PPARGC1A: variants seen among roughly 807,000 people sequenced by gnomAD.
PPARGC1A encodes PPARG coactivator 1 alpha, also known as peroxisome proliferator-activated receptor gamma coactivator 1-alpha.
A neutral mutation model predicts 88.7 loss-of-function variants in PPARGC1A; 25 were observed. The ratio of observed to expected loss-of-function variants is 0.28; its 90% CI spans 0.21 to 0.39. The LOEUF (loss-of-function observed/expected upper bound fraction) is 0.39. Among genes scored for constraint, PPARGC1A ranks in the 10% least tolerant of loss-of-function variants. PPARGC1A has a pLI of 1.00. For synonymous variants in PPARGC1A, 363 were observed against 355.6 expected, an observed-to-expected ratio of 1.02 and a Z score of -0.24; for missense variants, 880 against 968.7, an observed-to-expected ratio of 0.91 and a Z score of 1.22.
the PPARGC1A span, among the ~76,000 whole-genome samples, chr4:24,141,266 G>A: frequency 1.6e-4 from 25 of 152,234 alleles, no homozygotes; most frequent in African/African-American, 2.9e-4. Flanking sequence ...TTGGCCAAGC[G>A]GCCTCAGGTT....
chr4:23,875,731 A>T (rs940848163), intron 2 of PPARGC1A: 1 of 152,214 alleles, frequency 6.6e-6, no homozygotes, highest in Non-Finnish European at 1.5e-5. Flanking sequence ...TTAGAATAAT[A>T]TAAGTATTCT....
chr4:24,029,996 C>T, the PPARGC1A span, among the ~76,000 whole-genome samples: 30 of 152,196 alleles, frequency 2.0e-4, no homozygotes, highest in African/African-American at 6.0e-4. Flanking sequence ...AGAGACTTCC[C>T]GTGCAACAAT....
chr4:23,807,081 A>G (rs1160384752), intron 10 of PPARGC1A, among the ~76,000 whole-genome samples: 1 of 152,190 alleles, frequency 6.6e-6, no homozygotes, highest in African/African-American at 2.4e-5. Flanking sequence ...CAACTTTGGC[A>G]GTGAAATACT....
chr4:23,902,767 C>G (rs542084064), upstream of PPARGC1A, among the ~76,000 whole-genome samples: 1 of 152,074 alleles, frequency 6.6e-6, no homozygotes, highest in Non-Finnish European at 1.5e-5. Flanking sequence ...AAAATGCACC[C>G]GCCTCTCTCT....
intron 2 of PPARGC1A, among the ~76,000 whole-genome samples, chr4:23,872,365 T>C (rs1026220005): frequency 2.6e-5 from 4 of 152,168 alleles, no homozygotes; most frequent in African/African-American, 9.7e-5. Context: ...CAAACTGTTA[T>C]TTTAATATAC....
At chr4:24,073,384 A>G in the PPARGC1A span, among the ~76,000 whole-genome samples, 2 of 152,160 alleles carry the variant, frequency 1.3e-5, no homozygotes, top group Non-Finnish European at 2.9e-5. Flanking sequence ...CAATGATCAA[A>G]GATTTTTAAA....
At chr4:23,907,725 T>C (rs1158685088), upstream of PPARGC1A, among the ~76,000 whole-genome samples, 1 of 148,876 alleles carries the variant, frequency 6.7e-6, no homozygotes, top group Non-Finnish European at 1.5e-5. Context: ...AATGCCCTTT[T>C]CTACGTAGTT....
intron 1 of PPARGC1A, among the ~76,000 whole-genome samples, chr4:23,897,019 T>TG (rs1256417698): frequency 6.6e-6 from 1 of 152,208 alleles, no homozygotes; most frequent in Non-Finnish European, 1.5e-5. Context: ...TGCAGCCCCG[T>TG]GCTTGGGCAG....
At chr4:24,260,854 A>G in the PPARGC1A span, among the ~76,000 whole-genome samples, 1 of 152,082 alleles carries the variant, frequency 6.6e-6, no homozygotes, top group East Asian at 1.9e-4. Context: ...AATGTCATTT[A>G]TTTTCCCAGT....
chr4:24,014,973 C>T, the PPARGC1A span, among the ~76,000 whole-genome samples: 3 of 152,108 alleles, frequency 2.0e-5, no homozygotes, highest in Admixed American at 6.6e-5. Context: ...CAGGGGCCAT[C>T]GTGATATTCT....
chr4:24,064,671 A>G, the PPARGC1A span, among the ~76,000 whole-genome samples: 1 of 152,118 alleles, frequency 6.6e-6, no homozygotes. Context: ...CCTTTCATAA[A>G]AAGTCATTGC....
the PPARGC1A span, among the ~76,000 whole-genome samples, chr4:24,231,740 T>C: frequency 6.6e-6 from 1 of 152,158 alleles, no homozygotes; most frequent in African/African-American, 2.4e-5. Flanking sequence ...ATATGTGCTT[T>C]TTTTTTTCTT....
the PPARGC1A span, among the ~76,000 whole-genome samples, chr4:24,417,993 G>C: frequency 6.6e-6 from 1 of 151,482 alleles, no homozygotes. Flanking sequence ...TGTTTTTTCT[G>C]TAAGAATATT....
At chr4:23,982,476 TC>T in the PPARGC1A span, among the ~76,000 whole-genome samples, 704 of 152,070 alleles carry the variant, frequency 4.6e-3, 7 homozygotes, top group African/African-American at 0.016. Context: ...CACACCCACA[TC>T]CCATTGACTA....
chr4:24,001,270 A>C, the PPARGC1A span, among the ~76,000 whole-genome samples: 1 of 152,292 alleles, frequency 6.6e-6, no homozygotes, highest in South Asian at 2.1e-4. Context: ...TAATTGGTGG[A>C]AGTGGGGAGG....
the PPARGC1A span, among the ~76,000 whole-genome samples, chr4:24,420,331 AGTTTAAT>A: frequency 6.6e-6 from 1 of 152,220 alleles, no homozygotes; most frequent in Non-Finnish European, 1.5e-5. Context: ...TTTAATTTAA[AGTTTAAT>A]GTACATTAAC....
In PPARGC1A at chr4:23,828,623, A is replaced by G. The variant is rs760170783; in HGVS notation, c.553-19T>C. On this transcript the variant is annotated intron_variant, in intron 4 of 12. Transcript: ENST00000264867. ...TCTCAGTCTTAAAAACAAGGCATAA[A>G]GAAAGCTAAAATTAGTGAACTGAAC... 6.2e-7 allele frequency: 1 copy of G among 1,610,926 alleles called. No homozygotes were observed. Among genetic ancestry groups the G allele is most frequent in the Non-Finnish European group, 8.5e-7 (1 of 1,177,274 alleles).
At chr4:24,421,312 A>G in the PPARGC1A span, among the ~76,000 whole-genome samples, 1 of 111,682 alleles carries the variant, frequency 9.0e-6, no homozygotes, top group African/African-American at 3.0e-5. Flanking sequence ...TGAACAGTTC[A>G]CTTTTTTTTT....
chr4:24,157,452 A>C, the PPARGC1A span, among the ~76,000 whole-genome samples: 1 of 152,078 alleles, frequency 6.6e-6, no homozygotes. Context: ...TTCCTAGAAA[A>C]TCTCACCTGA....
Sources: gnomAD v4.1 joint callset for allele counts (sites outside exome capture counted in the v4.1 genomes callset) on GRCh38, gnomAD v4.1.1 for gene constraint, MANE v1.5 for transcripts, NCBI Gene and HGNC (gene_info 2026-07-23, HGNC 2026-07-21) for gene names.